The following MREG variants were observed in gnomAD, a reference collection of about 807,000 sequenced individuals.
MREG encodes melanoregulin, also known as dilute suppressor protein homolog.
In MREG, 31 loss-of-function variants were observed where a neutral mutation model predicts 28.5. The observed-to-expected ratio is 1.09, with a 90% CI of 0.82 to 1.47. MREG has a LOEUF of 1.47. Among genes scored for constraint, MREG ranks in the 40% most tolerant of loss-of-function variants. The pLI, the probability that MREG is intolerant of heterozygous loss-of-function variation, is 0.00. For synonymous variants in MREG, 106 were observed against 95.2 expected, an observed-to-expected ratio of 1.11 and a Z score of -0.66; for missense variants, 256 against 257.4, an observed-to-expected ratio of 0.99 and a Z score of 0.04.
At chr2:216,015,416 C>G (rs533763760), upstream of MREG, among the ~76,000 whole-genome samples, 31 of 152,046 alleles carry the variant, frequency 2.0e-4, no homozygotes, top group African/African-American at 6.5e-4. Context: ...AATATGGACT[C>G]TAGGGGCCCT....
chr2:215,945,494 C>T lies in MREG; in HGVS notation c.510+77G>A, dbSNP rs538850558. On this transcript the variant is annotated intron_variant, in intron 4 of 4. Coordinates refer to ENST00000263268, the MANE Select transcript of MREG (RefSeq NM_018000.3). The stretch of plus-strand genomic sequence containing the variant: ...TGATAGTGATGGTGGTGTTGGAATA[C>T]GGAGGATAGTGAATAGTTTTAAAAA... The T allele has an allele frequency of 1.6e-4, 244 of 1,517,016 alleles. No individual in the cohort carries two copies. The African/African-American group carries it at 1.8e-3, about 11-fold the overall frequency. The allele number at this position is 1,517,016 out of a possible 1,614,324, so 94.0% of individuals were successfully genotyped here.
intron 1 of MREG, among the ~76,000 whole-genome samples, chr2:216,009,369 G>T (rs1397031690): frequency 2.0e-5 from 3 of 152,128 alleles, no homozygotes; most frequent in Non-Finnish European, 4.4e-5. Flanking sequence ...GCTAAGTGGG[G>T]GTTGGGTGCA....
chr2:216,004,819 G>A (rs1694107883), intron 1 of MREG, among the ~76,000 whole-genome samples: 1 of 152,200 alleles, frequency 6.6e-6, no homozygotes, highest in Admixed American at 6.5e-5. Context: ...GAACTGTAAA[G>A]AAATACATAG....
At chr2:215,964,145 T>C (rs1025218870) in intron 2 of MREG, among the ~76,000 whole-genome samples, 57 of 152,164 alleles carry the variant, frequency 3.7e-4, no homozygotes, top group African/African-American at 1.3e-3. Flanking sequence ...GCAAGCAATA[T>C]ACCAGAAAAA....
chr2:215,955,547 T>C (rs1390557793), intron 2 of MREG, among the ~76,000 whole-genome samples: 1 of 152,222 alleles, frequency 6.6e-6, no homozygotes, highest in Non-Finnish European at 1.5e-5. Flanking sequence ...ATTAGAGTAG[T>C]TAAATACTTT....
At chr2:215,948,235 G>C (rs1692371554) in intron 2 of MREG, among the ~76,000 whole-genome samples, 1 of 152,210 alleles carries the variant, frequency 6.6e-6, no homozygotes, top group Non-Finnish European at 1.5e-5. Context: ...AATGTTTATA[G>C]ATACCACTTG....
At position 215,996,343 on chromosome 2, in the gene MREG, A is replaced by G; in HGVS notation, c.218T>C (p.Leu73Ser). ...GGCCTGCTGATTACGAATGACTATC[A>G]AATTGTACAGGGTTCTGTCGTCGTC... ...EADDDRTLYN[L>S]IVIRNQQAKD... The change falls in exon 2 of 5, where the codon TTG becomes TCG. Residue 73 changes from leucine to serine, a missense_variant. Physicochemically the swap from Leu to Ser is moderately radical, Grantham distance 145 (BLOSUM62 -2). Transcript: ENST00000263268. The G allele has an allele frequency of 6.2e-7, 1 of 1,613,906 alleles. No homozygotes were observed. The highest frequency in any genetic ancestry group is 8.5e-7 in the Non-Finnish European group (1 of 1,179,868).
intron 2 of MREG, among the ~76,000 whole-genome samples, chr2:215,989,696 C>T (rs866597708): frequency 5.3e-5 from 8 of 151,712 alleles, no homozygotes; most frequent in Admixed American, 1.3e-4. Flanking sequence ...TAGAGAAGAA[C>T]GTAAATGACC....
At chr2:216,015,141 C>CGCGCATGTG (rs1559200228), upstream of MREG, among the ~76,000 whole-genome samples, 1 of 48,200 alleles carries the variant, frequency 2.1e-5, no homozygotes, top group Non-Finnish European at 3.4e-5. Context: ...GCGCGTGCGT[C>CGCGCATGTG]TGTGCGTGCG....
chr2:215,942,920 G>A lies in MREG; in HGVS notation c.*1943C>T, dbSNP rs1381307649. 1 of 152,742 alleles carries A rather than the reference G, an allele frequency of 6.5e-6. No individual in the cohort carries two copies. The highest frequency in any genetic ancestry group is 1.5e-5 in the Non-Finnish European group (1 of 68,148). 9.5% of individuals were successfully genotyped at this position (152,742 alleles called of 1,614,324 possible). On this transcript the variant is annotated 3_prime_UTR_variant, in exon 5 of 5. Transcript: ENST00000263268. ...TTACATAACATGAGGCAAAGATTAAGCACTAAATATAAAAAATAAAACTTT... is the reference window on the plus strand; with the variant it reads ...TTACATAACATGAGGCAAAGATTAAACACTAAATATAAAAAATAAAACTTT...
intron 2 of MREG, among the ~76,000 whole-genome samples, chr2:215,990,858 G>C (rs571472002): frequency 1.3e-5 from 2 of 152,230 alleles, no homozygotes; most frequent in African/African-American, 4.8e-5. Context: ...TCCTAAATAT[G>C]TATGTACCCA....
At chr2:216,020,021 G>A (rs2105929749) in intron 1 of MREG, among the ~76,000 whole-genome samples, 1 of 151,864 alleles carries the variant, frequency 6.6e-6, no homozygotes, top group South Asian at 2.1e-4. Context: ...TTTTTCCCAG[G>A]GAGGAAAAAA....
At chr2:215,993,357 T>C (rs1295082187) in intron 2 of MREG, among the ~76,000 whole-genome samples, 1 of 152,202 alleles carries the variant, frequency 6.6e-6, no homozygotes, top group East Asian at 1.9e-4. Flanking sequence ...TTGGGAAAAC[T>C]GGCTAGCCAT....
intron 2 of MREG, among the ~76,000 whole-genome samples, chr2:215,978,721 G>C (rs1003079173): frequency 6.6e-6 from 1 of 152,200 alleles, no homozygotes; most frequent in Non-Finnish European, 1.5e-5. Context: ...ATGCAAGCCT[G>C]GTTCAGCATA....
intron 4 of MREG, among the ~76,000 whole-genome samples, chr2:215,945,240 T>G (rs764318920): frequency 3.3e-5 from 5 of 152,234 alleles, no homozygotes; most frequent in Admixed American, 1.3e-4. Flanking sequence ...CTTAGTCTTA[T>G]AGGTTAAATA....
rs1314950140 is a variant in MREG at position 215,945,583 on chromosome 2, A to G, written c.498T>C (p.Tyr166=). 2.5e-6 allele frequency: 4 copies of G among 1,613,338 alleles called. No homozygotes were observed. In the Admixed American group the frequency reaches 5.0e-5, roughly 20 times the overall value. ...AGCATCCACTTACCACAACAAAGAG[A>G]TATCTCTCTGAGAGCTCCCAACTTG... The part of the protein sequence containing the change: ...FPTSWELSER[Y]LFVVDRLIAL... The change falls in exon 4 of 5, where the codon TAT becomes TAC. Residue 166 remains tyrosine, a synonymous_variant. Coordinates refer to ENST00000263268, the MANE Select transcript of MREG (RefSeq NM_018000.3).
chr2:215,977,454 G>A (rs949526899), intron 2 of MREG, among the ~76,000 whole-genome samples: 4 of 152,058 alleles, frequency 2.6e-5, no homozygotes, highest in East Asian at 1.9e-4. Flanking sequence ...CCCCACTGTC[G>A]ATATTAGACA....
intron 2 of MREG, among the ~76,000 whole-genome samples, chr2:215,982,961 C>A (rs1193313876): frequency 6.6e-6 from 1 of 152,080 alleles, no homozygotes; most frequent in East Asian, 1.9e-4. Context: ...GTGCAAGAAC[C>A]CTTGATTCTC....
At chr2:216,015,160 C>T (rs997134368), upstream of MREG, among the ~76,000 whole-genome samples, 7 of 151,436 alleles carry the variant, frequency 4.6e-5, no homozygotes, top group South Asian at 2.1e-4. Flanking sequence ...CGTACGTGTG[C>T]GCGCGCGCGT....
Sources: allele counts gnomAD v4.1 joint callset (sites outside exome capture counted in the v4.1 genomes callset), GRCh38; gene constraint gnomAD v4.1.1; transcripts MANE v1.5; gene names NCBI Gene and HGNC (gene_info 2026-07-23, HGNC 2026-07-21).